The following COQ6 variants were observed in gnomAD, a reference collection of about 807,000 sequenced individuals.
COQ6 encodes the protein coenzyme Q6, monooxygenase.
Under a neutral mutation model 55.5 loss-of-function variants are expected in COQ6, and 45 were observed. The ratio of observed to expected loss-of-function variants is 0.81; its 90% CI spans 0.64 to 1.04. COQ6 has a LOEUF of 1.04. Among genes scored for constraint, COQ6 ranks in the 50% least tolerant of loss-of-function variants. The pLI is 0.00. For synonymous variants in COQ6, 206 were observed against 230.5 expected (o/e 0.89, Z 0.96); for missense variants, 550 against 601.3 (o/e 0.91, Z 0.89).
At chr14:73,962,734 T>C in intron 11 of COQ6, 1 of 536,338 alleles carries the variant, frequency 1.9e-6, no homozygotes, top group African/African-American at 1.9e-5. Flanking sequence ...GGAGGATTGC[T>C]TGAGCCTAGG....
At chr14:73,962,591 G>A (rs1208260175) in intron 11 of COQ6, 1 of 189,280 alleles carries the variant, frequency 5.3e-6, no homozygotes, top group Non-Finnish European at 1.1e-5. Flanking sequence ...GATTTCTAAT[G>A]ATGAAGATGT....
At chr14:73,952,121 T>C (rs1263473237) in intron 1 of COQ6, among the ~76,000 whole-genome samples, 144 of 118,048 alleles carry the variant, frequency 1.2e-3, no homozygotes, top group African/African-American at 4.2e-3. Context: ...TAACTTTTTT[T>C]TTTTTTTTTT....
chr14:73,961,444 T>C lies in COQ6; in HGVS notation c.1095-11T>C, dbSNP rs1424625250. The C allele has an allele frequency of 2.5e-6, 4 of 1,614,208 alleles. No individual in the cohort carries two copies. Among genetic ancestry groups the C allele is most frequent in the Non-Finnish European group, 3.4e-6 (4 of 1,180,008 alleles). On this transcript the variant is annotated splice_polypyrimidine_tract_variant and intron_variant, in intron 9 of 11. Coordinates refer to ENST00000334571, the MANE Select transcript of COQ6 (RefSeq NM_182476.3). ...GCCAGAGGTCACACCTGAACTCTGCTTTATTCTTAGGGATGCAGCCCACAG... is the reference window on the plus strand; with the variant it reads ...GCCAGAGGTCACACCTGAACTCTGCCTTATTCTTAGGGATGCAGCCCACAG...
chr14:73,952,653 G>A (rs1371195979), intron 1 of COQ6, among the ~76,000 whole-genome samples: 1 of 151,846 alleles, frequency 6.6e-6, no homozygotes, highest in Non-Finnish European at 1.5e-5. Flanking sequence ...GATTACAGGC[G>A]TTAGCCACCA....
In COQ6 at chr14:73,963,030, A is replaced by G; in HGVS notation, c.*31A>G. On this transcript the variant is annotated 3_prime_UTR_variant, in exon 12 of 12. Transcript: ENST00000334571. ...CCTCTCCTAAAGAAAGATTACGTTG[A>G]TGAAAAAGAACATCCTGCCCAGGAC... 11 of 1,555,004 alleles carry G rather than the reference A, an allele frequency of 7.1e-6. No homozygotes were observed. Among genetic ancestry groups the G allele is most frequent in the Non-Finnish European group, 8.0e-6 (9 of 1,126,252 alleles).
At chr14:73,958,065 G>A in intron 4 of COQ6, 82 bp from the exon 5 acceptor site, 8 of 1,110,380 alleles carry the variant, frequency 7.2e-6, no homozygotes, top group Middle Eastern at 2.0e-4. Flanking sequence ...CTGGGACCTT[G>A]CTTTAGGTTT....
intron 5 of COQ6, 57 bp from the exon 6 acceptor site, chr14:73,958,914 T>A: frequency 1.9e-6 from 3 of 1,606,706 alleles, no homozygotes; most frequent in Non-Finnish European, 2.5e-6. Flanking sequence ...AGAGAAAAAC[T>A]TCTGAAGCAG....
rs573469037 is a variant in COQ6, at chr14:73,961,850, G to A, written c.1324G>A (p.Val442Met). The A allele has an allele frequency of 1.2e-6, 2 of 1,614,192 alleles. No individual in the cohort carries two copies. The highest frequency in any genetic ancestry group is 8.5e-7 in the Non-Finnish European group (1 of 1,180,032). ...CTATTCTACCAGTGCCTCCCCGCTTGTGTTGCTCAGGACGTGGGGCTTGCA... is the reference window on the plus strand; with the variant it reads ...CTATTCTACCAGTGCCTCCCCGCTTATGTTGCTCAGGACGTGGGGCTTGCA... The part of the protein sequence containing the change: ...RLYSTSASPL[V>M]LLRTWGLQAT... Residue 442 changes from valine (V) to methionine (M), a missense_variant, in exon 11 of 12, where the codon GTG becomes ATG. Transcript: ENST00000334571.
In COQ6 at chr14:73,953,548, GGC is replaced by G; in HGVS notation, c.278_279del (p.Gly93ValfsTer7). 1 of 1,614,182 alleles carries G rather than the reference GGC, an allele frequency of 6.2e-7. No homozygotes were observed. The highest frequency in any genetic ancestry group is 1.3e-5 in the African/African-American group (1 of 75,040). On this transcript the variant is annotated frameshift_variant, in exon 2 of 12. Transcript: ENST00000334571. LOFTEE classifies it high-confidence loss of function. Reference sequence around the variant, plus strand: ...CAACAGGGTCAGCTCCATTTCCCCTGGCTCTGCAACGCTTCTCAGTAGTGAGT... The same window carrying G: ...CAACAGGGTCAGCTCCATTTCCCCTGTCTGCAACGCTTCTCAGTAGTGAGT... ...YSNRVSSISP[G>X]SATLLSSFGA...
At chr14:73,962,034 G>A (rs2056761885) in intron 11 of COQ6, 131 bp downstream of exon 11, 1 of 1,062,128 alleles carries the variant, frequency 9.4e-7, no homozygotes, top group Non-Finnish European at 1.4e-6. Flanking sequence ...TGCAGCCTCT[G>A]CCTCCCAGGT....
chr14:73,960,647 T>C, intron 8 of COQ6: 1 of 1,016,348 alleles, frequency 9.8e-7, no homozygotes, highest in South Asian at 3.2e-5. Context: ...CTGAGAACAG[T>C]CTCCGCTTTC....
Position 73,955,921 on chromosome 14 carries a change from T to C in COQ6, c.474T>C (p.Ala158=), listed in dbSNP as rs769670166. The C allele has an allele frequency of 6.2e-7, 1 of 1,614,098 alleles. No homozygotes were observed. Among genetic ancestry groups the C allele is most frequent in the Non-Finnish European group, 8.5e-7 (1 of 1,180,020 alleles). The change falls in exon 4 of 12, where the codon GCT becomes GCC. Residue 158 remains alanine, a synonymous_variant. Coordinates refer to ENST00000334571, the MANE Select transcript of COQ6 (RefSeq NM_182476.3). Reference sequence around the variant, plus strand: ...ATGCTCTCACTAAGCAGTTGGAGGCTGTGTCTGGTGAGGCCCCCATCTTCC... The same window carrying C: ...ATGCTCTCACTAAGCAGTTGGAGGCCGTGTCTGGTGAGGCCCCCATCTTCC... ...IMHALTKQLE[A]VSDRVTVLYR...
At chr14:73,953,638 G>C in intron 2 of COQ6, 69 bp downstream of exon 2, 1 of 1,595,436 alleles carries the variant, frequency 6.3e-7, no homozygotes, top group Non-Finnish European at 8.6e-7. Context: ...TATCCCATGG[G>C]GCAGAGTCAT....
In COQ6 at chr14:73,963,164, A is replaced by T; in HGVS notation, c.*165A>T. The T allele has an allele frequency of 2.8e-6, 2 of 714,798 alleles. No homozygotes were observed. The highest frequency in any genetic ancestry group is 2.7e-5 in the East Asian group (1 of 37,068). 44.3% of individuals were successfully genotyped at this position (714,798 alleles called of 1,614,324 possible). A position where few individuals can be genotyped will look rare whatever the true frequency, so the allele number is the denominator to read the frequency against. On this transcript the variant is annotated 3_prime_UTR_variant, in exon 12 of 12. Coordinates refer to ENST00000334571, the MANE Select transcript of COQ6 (RefSeq NM_182476.3). ...GCCTGTGGCACCCAAATAATGAATGATAATTTGCTGTGAGGAGCGTATATT... is the reference window on the plus strand; with the variant it reads ...GCCTGTGGCACCCAAATAATGAATGTTAATTTGCTGTGAGGAGCGTATATT...
At position 73,963,443 on chromosome 14, in the gene COQ6, A is replaced by AAAT; in HGVS notation, c.*446_*448dup. On this transcript the variant is annotated 3_prime_UTR_variant, in exon 12 of 12. Coordinates refer to ENST00000334571, the MANE Select transcript of COQ6 (RefSeq NM_182476.3). ...AAATGTTAACATCAGAATGCAAATT[A>AAAT]AATATAAATTGCTTTAACCTTTGTT... 2 of 223,844 alleles carry AAAT rather than the reference A, an allele frequency of 8.9e-6. No homozygotes were observed. Among genetic ancestry groups the AAAT allele is most frequent in the Middle Eastern group, 1.7e-3 (1 of 572 alleles). The allele number at this position is 223,844 out of a possible 1,614,324, so 13.9% of individuals were successfully genotyped here.
chr14:73,957,705 C>T (rs879267841), intron 4 of COQ6, among the ~76,000 whole-genome samples: 8 of 152,146 alleles, frequency 5.3e-5, no homozygotes, highest in African/African-American at 7.2e-5. Context: ...TCTAGGATTA[C>T]GAGCATGAGC....
At chr14:73,962,293 T>C (rs1238872405) in intron 11 of COQ6, among the ~76,000 whole-genome samples, 3 of 152,090 alleles carry the variant, frequency 2.0e-5, no homozygotes, top group African/African-American at 7.2e-5. Context: ...GTAAAATTAT[T>C]ATCTTTATGT....
intron 2 of COQ6, 155 bp from the exon 3 acceptor site, chr14:73,955,296 A>G (rs553133494): frequency 2.3e-4 from 163 of 713,816 alleles, no homozygotes; most frequent in Non-Finnish European, 3.7e-4. Flanking sequence ...GAACTGGGGA[A>G]CAGAGTAGCT....
At position 73,961,442 on chromosome 14, in the gene COQ6, G is replaced by A. The variant is rs2056730371; in HGVS notation, c.1095-13G>A. ...CTGCCAGAGGTCACACCTGAACTCT[G>A]CTTTATTCTTAGGGATGCAGCCCAC... On this transcript the variant is annotated splice_polypyrimidine_tract_variant and intron_variant, in intron 9 of 11. Transcript: ENST00000334571. 1.2e-6 allele frequency: 2 copies of A among 1,614,066 alleles called. No homozygotes were observed. The highest frequency in any genetic ancestry group is 1.3e-5 in the African/African-American group (1 of 74,934).
Sources: gnomAD v4.1 joint callset for allele counts (sites outside exome capture counted in the v4.1 genomes callset) on GRCh38, gnomAD v4.1.1 for gene constraint, MANE v1.5 for transcripts, NCBI Gene and HGNC (gene_info 2026-07-23, HGNC 2026-07-21) for gene names.